The following ZNF385B variants were observed in gnomAD, a reference collection of about 807,000 sequenced individuals.
ZNF385B encodes the protein zinc finger protein 385B, also known as zinc finger protein 533.
A neutral mutation model predicts 39.2 loss-of-function variants in ZNF385B; 23 were observed. That is an observed-to-expected ratio of 0.59 (90% CI 0.42 to 0.83). The LOEUF (loss-of-function observed/expected upper bound fraction) is 0.83. Ranked by LOEUF, ZNF385B falls within the 40% of genes least tolerant of loss-of-function variation. ZNF385B has a pLI of 0.00. For missense variants in ZNF385B, 552 were observed against 598.9 expected (o/e 0.92, Z 0.82); for synonymous variants, 205 against 222.6 (o/e 0.92, Z 0.70).
intron 1 of ZNF385B, among the ~76,000 whole-genome samples, chr2:179,789,077 A>G (rs1275628494): frequency 6.6e-6 from 1 of 152,140 alleles, no homozygotes; most frequent in Non-Finnish European, 1.5e-5. Context: ...CTAATGTTAC[A>G]TTTGATGACA....
chr2:179,601,404 T>C (rs1433961161), intron 3 of ZNF385B, among the ~76,000 whole-genome samples: 1 of 152,182 alleles, frequency 6.6e-6, no homozygotes, highest in Non-Finnish European at 1.5e-5. Context: ...TTATGCCTTA[T>C]GAGACTGGGT....
chr2:179,572,689 G>A lies in ZNF385B; in HGVS notation c.299-27720C>T, dbSNP rs146539704. ...AGAAAGAACACAGAACGAGAGGTCAGTTTGGAGGGAAATGTCATTTCTAAG... is the reference window on the plus strand; with the variant it reads ...AGAAAGAACACAGAACGAGAGGTCAATTTGGAGGGAAATGTCATTTCTAAG... On this transcript the variant is annotated intron_variant, in intron 3 of 9. Coordinates refer to ENST00000410066, the MANE Select transcript of ZNF385B (RefSeq NM_152520.6). Among the ~76,000 whole-genome samples, 15 of 152,262 alleles carry A rather than the reference G, an allele frequency of 9.9e-5. No individual in the cohort carries two copies. The East Asian group carries it at 2.9e-3, about 29-fold the overall frequency.
chr2:179,650,370 C>T (rs1575088292), intron 3 of ZNF385B, among the ~76,000 whole-genome samples: 1 of 152,130 alleles, frequency 6.6e-6, no homozygotes, highest in Non-Finnish European at 1.5e-5. Context: ...ATGTTCAGGA[C>T]ACTGGTCCAT....
At chr2:179,637,274 G>A (rs1691847947) in intron 3 of ZNF385B, 1 of 152,108 alleles carries the variant, frequency 6.6e-6, no homozygotes, top group Non-Finnish European at 1.5e-5. Flanking sequence ...AGTAATGCTC[G>A]GCATCCCGAC....
At chr2:179,754,103 TC>T (rs1211389338) in intron 3 of ZNF385B, among the ~76,000 whole-genome samples, 1 of 152,166 alleles carries the variant, frequency 6.6e-6, no homozygotes, top group Non-Finnish European at 1.5e-5. Flanking sequence ...TTCAGATACG[TC>T]CCATCAATAC....
At chr2:179,616,646 A>G (rs1689768975) in intron 3 of ZNF385B, among the ~76,000 whole-genome samples, 1 of 152,080 alleles carries the variant, frequency 6.6e-6, no homozygotes, top group African/African-American at 2.4e-5. Flanking sequence ...TGCAGCCTTT[A>G]ACTCCTGGGA....
At chr2:179,478,690 C>T (rs1288271596) in intron 6 of ZNF385B, among the ~76,000 whole-genome samples, 1 of 152,184 alleles carries the variant, frequency 6.6e-6, no homozygotes, top group African/African-American at 2.4e-5. Flanking sequence ...GTCATTTCCT[C>T]ATATTGATAT....
intron 3 of ZNF385B, among the ~76,000 whole-genome samples, chr2:179,754,523 G>A (rs1702887362): frequency 1.3e-5 from 2 of 152,136 alleles, no homozygotes; most frequent in African/African-American, 4.8e-5. Flanking sequence ...GTTCCTCCTT[G>A]TACCTCTGGT....
intron 3 of ZNF385B, among the ~76,000 whole-genome samples, chr2:179,668,278 T>C (rs7581866): frequency 0.18 from 26,749 of 152,258 alleles, 2,792 homozygotes; most frequent in African/African-American, 0.29. Flanking sequence ...GTAATACTCA[T>C]ATAGTTACCT....
chr2:179,448,354 T>C (rs1198829725), intron 6 of ZNF385B, among the ~76,000 whole-genome samples: 3 of 152,100 alleles, frequency 2.0e-5, no homozygotes, highest in Non-Finnish European at 4.4e-5. Context: ...AGCAGCAAAA[T>C]AATTCAGTAA....
chr2:179,481,288 A>G (rs2053962648), intron 6 of ZNF385B: 1 of 152,038 alleles, frequency 6.6e-6, no homozygotes, highest in Non-Finnish European at 1.5e-5. Context: ...TGGTCATCTC[A>G]TAGGTATAAG....
intron 1 of ZNF385B, among the ~76,000 whole-genome samples, chr2:179,776,625 C>T (rs997339127): frequency 2.6e-5 from 4 of 152,064 alleles, no homozygotes; most frequent in African/African-American, 9.7e-5. Context: ...TCTGGGATGG[C>T]ATCTGGGGTG....
intron 5 of ZNF385B, among the ~76,000 whole-genome samples, chr2:179,494,979 A>G (rs2056044335): frequency 6.6e-6 from 1 of 152,148 alleles, no homozygotes; most frequent in African/African-American, 2.4e-5. Context: ...TGAGAAAAAC[A>G]GAGGGAAAAG....
At chr2:179,483,737 G>A (rs760475648) in intron 5 of ZNF385B, among the ~76,000 whole-genome samples, 13 of 152,198 alleles carry the variant, frequency 8.5e-5, no homozygotes, top group Non-Finnish European at 1.6e-4. Context: ...CCTCCCACCA[G>A]TGCCCATTGG....
At chr2:179,445,031 A>G (rs538441153) in intron 8 of ZNF385B, 54 bp from the exon 9 acceptor site, 354 of 1,500,170 alleles carry the variant, frequency 2.4e-4, no homozygotes, top group Non-Finnish European at 3.2e-4. Context: ...ATTCCATGTA[A>G]AACGTATTTC....
chr2:179,491,926 C>T (rs1267417944), intron 5 of ZNF385B, among the ~76,000 whole-genome samples: 2 of 152,008 alleles, frequency 1.3e-5, no homozygotes, highest in East Asian at 3.9e-4. Context: ...GCCTTAAACT[C>T]CTGGTCTCGA....
chr2:179,623,861 T>C (rs533871488), intron 3 of ZNF385B, among the ~76,000 whole-genome samples: 1 of 152,322 alleles, frequency 6.6e-6, no homozygotes, highest in South Asian at 2.1e-4. Flanking sequence ...AACCTTCTGA[T>C]TTTACAAATA....
At chr2:179,450,473 T>C (rs552865619) in intron 6 of ZNF385B, among the ~76,000 whole-genome samples, 1 of 152,314 alleles carries the variant, frequency 6.6e-6, no homozygotes, top group South Asian at 2.1e-4. Flanking sequence ...AGAAGACATT[T>C]ATACAGCCAA....
chr2:179,857,666 G>A (rs939875116), intron 1 of ZNF385B, among the ~76,000 whole-genome samples: 3 of 152,126 alleles, frequency 2.0e-5, no homozygotes, highest in Non-Finnish European at 4.4e-5. Flanking sequence ...CTAAGGGTAG[G>A]GAGGGGGAGC....
Sources: allele counts gnomAD v4.1 joint callset (sites outside exome capture counted in the v4.1 genomes callset), GRCh38; gene constraint gnomAD v4.1.1; transcripts MANE v1.5; gene names NCBI Gene and HGNC (gene_info 2026-07-23, HGNC 2026-07-21).